Variants in CCDC91 observed in about 807,000 individuals in gnomAD.
CCDC91 encodes coiled-coil domain containing 91.
A neutral mutation model predicts 63.2 loss-of-function variants in CCDC91; 48 were observed. The observed-to-expected ratio is 0.76, with a 90% CI of 0.60 to 0.97. The LOEUF (loss-of-function observed/expected upper bound fraction) is 0.97, where lower values mean the gene tolerates loss of function less well. CCDC91 is among the 50% of genes least tolerant of loss of function. The pLI, the probability that CCDC91 is intolerant of heterozygous loss-of-function variation, is 0.00. For synonymous variants in CCDC91, 167 were observed against 165.8 expected, an observed-to-expected ratio of 1.01 and a Z score of -0.06; for missense variants, 500 against 494.6, an observed-to-expected ratio of 1.01 and a Z score of -0.10.
chr12:28,471,886 G>T (rs1356596010), intron 11 of CCDC91, among the ~76,000 whole-genome samples: 1 of 152,040 alleles, frequency 6.6e-6, no homozygotes, highest in African/African-American at 2.4e-5. Context: ...GAGTAGCTGG[G>T]ATTACAGGCG....
At chr12:28,510,406 A>G (rs1939244618) in intron 12 of CCDC91, among the ~76,000 whole-genome samples, 1 of 151,920 alleles carries the variant, frequency 6.6e-6, no homozygotes, top group Non-Finnish European at 1.5e-5. Context: ...TGTAAATTCC[A>G]GACTAAAAGC....
chr12:28,366,690 C>T (rs1944296279), intron 7 of CCDC91, among the ~76,000 whole-genome samples: 1 of 152,072 alleles, frequency 6.6e-6, no homozygotes, highest in Admixed American at 6.6e-5. Context: ...AGGTATTCCT[C>T]CCTTACTGTG....
chr12:28,258,800 A>G (rs1248232158), intron 2 of CCDC91, among the ~76,000 whole-genome samples: 1 of 152,006 alleles, frequency 6.6e-6, no homozygotes, highest in South Asian at 2.1e-4. Context: ...CTGTGCTCTT[A>G]CCTACAAACT....
chr12:28,547,483 C>T (rs1943070907), intron 12 of CCDC91, among the ~76,000 whole-genome samples: 1 of 151,924 alleles, frequency 6.6e-6, no homozygotes, highest in Non-Finnish European at 1.5e-5. Context: ...TGTGCCAGAC[C>T]CCCTCTAGAT....
intron 8 of CCDC91, among the ~76,000 whole-genome samples, chr12:28,447,421 C>T (rs1250890206): frequency 6.6e-6 from 1 of 151,774 alleles, no homozygotes; most frequent in Non-Finnish European, 1.5e-5. Context: ...GGGATATTTT[C>T]ACTTCTTTAT....
At position 28,488,556 on chromosome 12, in the gene CCDC91, C is replaced by T. The variant is rs1951839868; in HGVS notation, c.1215+4391C>T. 2.6e-5 allele frequency among the ~76,000 whole-genome samples: 4 copies of T among 151,652 alleles called. No individual in the cohort carries two copies. In the Admixed American group the frequency reaches 2.6e-4, roughly 10 times the overall value. ...TTAGAAATTTCTCTGTAAAATCTAT[C>T]ATGCTAATCCTGAGGAAAAAAAAGG... On this transcript the variant is annotated intron_variant, in intron 12 of 12. Transcript: ENST00000536442.
At chr12:28,501,078 A>T (rs1241269422) in intron 12 of CCDC91, among the ~76,000 whole-genome samples, 1 of 151,778 alleles carries the variant, frequency 6.6e-6, no homozygotes, top group African/African-American at 2.4e-5. Flanking sequence ...AGTAAAATAC[A>T]AGTGATTATA....
intron 8 of CCDC91, among the ~76,000 whole-genome samples, chr12:28,414,089 G>A (rs1947491860): frequency 6.6e-6 from 1 of 152,134 alleles, no homozygotes; most frequent in Non-Finnish European, 1.5e-5. Flanking sequence ...AAACTTATGT[G>A]TGTTAATTTA....
chr12:28,335,284 T>A (rs905674040), intron 6 of CCDC91, among the ~76,000 whole-genome samples: 1 of 124,562 alleles, frequency 8.0e-6, no homozygotes, highest in Non-Finnish European at 1.8e-5. Flanking sequence ...ATAATACATA[T>A]TATATATAAT....
chr12:28,520,593 A>G (rs1331560331), intron 12 of CCDC91, among the ~76,000 whole-genome samples: 5 of 152,108 alleles, frequency 3.3e-5, no homozygotes, highest in South Asian at 2.1e-4. Context: ...CCATTTGTCA[A>G]TTTTGGCTTT....
At chr12:28,528,544 C>T (rs1259527387) in intron 12 of CCDC91, among the ~76,000 whole-genome samples, 7 of 152,108 alleles carry the variant, frequency 4.6e-5, no homozygotes, top group Admixed American at 3.9e-4. Flanking sequence ...TCTTGGCTTT[C>T]CTAACGTTTT....
intron 8 of CCDC91, among the ~76,000 whole-genome samples, chr12:28,419,056 T>G (rs1161920314): frequency 1.3e-5 from 2 of 152,164 alleles, no homozygotes; most frequent in African/African-American, 2.4e-5. Context: ...TTGTCAGATA[T>G]TCTACGGGAA....
chr12:28,376,038 A>G (rs1204365910), intron 7 of CCDC91, among the ~76,000 whole-genome samples: 3 of 151,844 alleles, frequency 2.0e-5, no homozygotes. Flanking sequence ...TTAAAAATGC[A>G]TATGCCAAGG....
chr12:28,225,716 C>G (rs1592037639), intron 1 of CCDC91: 1 of 152,614 alleles, frequency 6.6e-6, no homozygotes, highest in East Asian at 1.9e-4. Context: ...CTTGGCCTCT[C>G]AAAGTGCAGG....
At position 28,310,608 on chromosome 12, in the gene CCDC91, G is replaced by A. The variant is rs561987212; in HGVS notation, c.576+2859G>A. ...AATAAATTATAGAAAAATGTACCAGGAGGTCTCATAGCCAAATCGAAGTTA... is the reference window on the plus strand; with the variant it reads ...AATAAATTATAGAAAAATGTACCAGAAGGTCTCATAGCCAAATCGAAGTTA... On this transcript the variant is annotated intron_variant, in intron 6 of 12. Transcript: ENST00000536442. Among the ~76,000 whole-genome samples, 11 of 152,106 alleles carry A rather than the reference G, an allele frequency of 7.2e-5. No individual in the cohort carries two copies. The South Asian group carries it at 2.3e-3, about 32-fold the overall frequency.
intron 8 of CCDC91, among the ~76,000 whole-genome samples, chr12:28,412,007 A>G (rs1947348883): frequency 6.6e-6 from 1 of 152,162 alleles, no homozygotes. Flanking sequence ...TTTGGTAGGG[A>G]CAAACAAACA....
chr12:28,247,980 A>G (rs1470759466), intron 1 of CCDC91, among the ~76,000 whole-genome samples: 1 of 152,126 alleles, frequency 6.6e-6, no homozygotes, highest in East Asian at 1.9e-4. Context: ...TCAGGTGGTA[A>G]TGCTTACTTG....
intron 1 of CCDC91, among the ~76,000 whole-genome samples, chr12:28,194,495 T>C (rs557975280): frequency 1.2e-4 from 19 of 152,320 alleles, no homozygotes; most frequent in Non-Finnish European, 1.0e-4. Flanking sequence ...GGTGGGTCCA[T>C]GGTCTTGCCG....
At chr12:28,255,903 A>G (rs2136153655) in intron 1 of CCDC91, 1 of 152,256 alleles carries the variant, frequency 6.6e-6, no homozygotes, top group Admixed American at 6.5e-5. Flanking sequence ...AAGGTAAAGC[A>G]CAGATATAGA....
Sources: allele counts gnomAD v4.1 joint callset (sites outside exome capture counted in the v4.1 genomes callset), GRCh38; gene constraint gnomAD v4.1.1; transcripts MANE v1.5; gene names NCBI Gene and HGNC (gene_info 2026-07-23, HGNC 2026-07-21).